Variants in ACOXL observed in about 807,000 individuals in gnomAD.
ACOXL encodes the protein acyl-coenzyme A oxidase-like protein.
Under a neutral mutation model 71.9 loss-of-function variants are expected in ACOXL, and 70 were observed. The ratio of observed to expected loss-of-function variants is 0.97; its 90% CI spans 0.80 to 1.19. The LOEUF is 1.19. ACOXL is among the 50% of genes most tolerant of loss of function. ACOXL has a pLI of 0.00. For synonymous variants in ACOXL, 253 were observed against 281.6 expected, an observed-to-expected ratio of 0.90 and a Z score of 1.02; for missense variants, 703 against 736.3, an observed-to-expected ratio of 0.95 and a Z score of 0.52.
chr2:111,050,297 T>C (rs1174308652), intron 16 of ACOXL, among the ~76,000 whole-genome samples: 1 of 152,162 alleles, frequency 6.6e-6, no homozygotes, highest in African/African-American at 2.4e-5. Flanking sequence ...GTTAGTTTTA[T>C]AATAAAGAAG....
intron 9 of ACOXL, among the ~76,000 whole-genome samples, chr2:110,816,783 C>T (rs1687972811): frequency 6.6e-6 from 1 of 152,178 alleles, no homozygotes; most frequent in South Asian, 2.1e-4. Context: ...GAATTCTATC[C>T]GGGTGAGAGA....
In ACOXL at chr2:110,738,649, A is replaced by G. The variant is rs1216294364; in HGVS notation, c.-23+5875A>G. Among the ~76,000 whole-genome samples the G allele has an allele frequency of 4.6e-5, 7 of 152,184 alleles. No homozygotes were observed. The East Asian group carries it at 9.7e-4, about 21-fold the overall frequency. On this transcript the variant is annotated intron_variant, in intron 1 of 17. Coordinates refer to ENST00000439055, the MANE Select transcript of ACOXL (RefSeq NM_001142807.4). ...GGAAGCTTCTTTTTGGCATTGTTGT[A>G]TTATAGAATTTCATGATGGGGTGGC...
chr2:110,935,859 G>A (rs1047396678), intron 12 of ACOXL, among the ~76,000 whole-genome samples: 2 of 151,726 alleles, frequency 1.3e-5, no homozygotes, highest in African/African-American at 4.8e-5. Flanking sequence ...TTTTGGGGGT[G>A]GGGGGTGCGG....
intron 10 of ACOXL, among the ~76,000 whole-genome samples, chr2:110,864,796 G>C (rs937187605): frequency 6.6e-6 from 1 of 152,198 alleles, no homozygotes; most frequent in East Asian, 1.9e-4. Context: ...GAATAATCCA[G>C]CTCACCCCAT....
At chr2:111,006,800 C>G (rs1037980191) in intron 14 of ACOXL, among the ~76,000 whole-genome samples, 2 of 152,120 alleles carry the variant, frequency 1.3e-5, no homozygotes, top group Non-Finnish European at 2.9e-5. Context: ...TTCAAGTGAT[C>G]TGCCCTCCTC....
At chr2:111,013,249 G>T (rs1005406498) in intron 14 of ACOXL, among the ~76,000 whole-genome samples, 1 of 152,132 alleles carries the variant, frequency 6.6e-6, no homozygotes, top group Non-Finnish European at 1.5e-5. Context: ...TGGGGGCCAG[G>T]TGCGGTGGCT....
rs763986049 is a variant in ACOXL at position 110,908,814 on chromosome 2, A to G, written c.814A>G (p.Lys272Glu). The G allele has an allele frequency of 3.9e-5, 63 of 1,614,000 alleles. 1 individual carries two copies. In the East Asian group the frequency reaches 1.2e-3, roughly 31 times the overall value. The change falls in exon 11 of 18, where the codon AAG becomes GAG. Residue 272 changes from lysine to glutamate, a missense_variant. Lys to Glu is a moderately conservative substitution (Grantham distance 56). Transcript: ENST00000439055. ...CCGGAGGCAGTTTGGGCCCAAAACC[A>G]AGGAAGAGGTGAAGATCATTGAGCA... ...HSRRQFGPKT[K>E]EEVKIIEHQT...
chr2:110,965,964 G>A (rs953343721), intron 12 of ACOXL, among the ~76,000 whole-genome samples: 1 of 152,160 alleles, frequency 6.6e-6, no homozygotes, highest in African/African-American at 2.4e-5. Context: ...GAAGATGGTG[G>A]CCTGATGACA....
At chr2:111,070,319 C>T (rs1334583581) in intron 16 of ACOXL, among the ~76,000 whole-genome samples, 1 of 152,174 alleles carries the variant, frequency 6.6e-6, no homozygotes, top group African/African-American at 2.4e-5. Flanking sequence ...GTATACTGTA[C>T]AGCCACAAAA....
At chr2:111,068,197 G>A (rs1478013606) in intron 16 of ACOXL, among the ~76,000 whole-genome samples, 1 of 152,190 alleles carries the variant, frequency 6.6e-6, no homozygotes, top group Non-Finnish European at 1.5e-5. Context: ...TTGGAAGCAG[G>A]AGAAAAAAGG....
intron 16 of ACOXL, among the ~76,000 whole-genome samples, chr2:111,070,308 G>C (rs1003237310): frequency 8.5e-5 from 13 of 152,166 alleles, no homozygotes; most frequent in African/African-American, 3.1e-4. Context: ...TATACACCAT[G>C]GTATACTGTA....
At chr2:110,857,626 T>C (rs184808192) in intron 10 of ACOXL, among the ~76,000 whole-genome samples, 16 of 152,334 alleles carry the variant, frequency 1.1e-4, no homozygotes, top group African/African-American at 3.8e-4. Context: ...TCTACAATTA[T>C]CAACATTTTG....
chr2:110,931,529 AC>A (rs1391171893), intron 11 of ACOXL, among the ~76,000 whole-genome samples: 1 of 152,162 alleles, frequency 6.6e-6, no homozygotes, highest in Non-Finnish European at 1.5e-5. Flanking sequence ...ACTGACAGGA[AC>A]ATTATCTATA....
chr2:110,953,163 G>A (rs1301298949), intron 12 of ACOXL, among the ~76,000 whole-genome samples: 1 of 152,094 alleles, frequency 6.6e-6, no homozygotes, highest in Non-Finnish European at 1.5e-5. Flanking sequence ...TGAAAAATGG[G>A]ACACTGGGAG....
intron 1 of ACOXL, among the ~76,000 whole-genome samples, chr2:110,766,857 G>T (rs1681142690): frequency 6.6e-6 from 1 of 152,200 alleles, no homozygotes; most frequent in Non-Finnish European, 1.5e-5. Context: ...GGAGATAGAA[G>T]ATCAGCTCCC....
chr2:111,009,980 A>G (rs1419747080), intron 14 of ACOXL, among the ~76,000 whole-genome samples: 11 of 152,226 alleles, frequency 7.2e-5, no homozygotes, highest in African/African-American at 2.4e-5. Flanking sequence ...TTTTAACTGC[A>G]TGCTAGAATA....
At chr2:110,742,283 T>A (rs111322288) in intron 1 of ACOXL, among the ~76,000 whole-genome samples, 2,307 of 152,336 alleles carry the variant, frequency 0.015, 51 homozygotes, top group African/African-American at 0.05. Context: ...ATTGTAGTGC[T>A]GCTCTGTACT....
At chr2:110,989,491 T>C (rs2063080514) in intron 13 of ACOXL, among the ~76,000 whole-genome samples, 1 of 152,202 alleles carries the variant, frequency 6.6e-6, no homozygotes. Flanking sequence ...TGTAATAAGT[T>C]TGTCAAGTTT....
intron 12 of ACOXL, among the ~76,000 whole-genome samples, chr2:110,966,492 C>T (rs2061936251): frequency 6.6e-6 from 1 of 152,180 alleles, no homozygotes; most frequent in Non-Finnish European, 1.5e-5. Flanking sequence ...GCTCTATACC[C>T]ACAAGATGAC....
Sources: allele counts gnomAD v4.1 joint callset (sites outside exome capture counted in the v4.1 genomes callset), GRCh38; gene constraint gnomAD v4.1.1; transcripts MANE v1.5; gene names NCBI Gene and HGNC (gene_info 2026-07-23, HGNC 2026-07-21).